GRIK2: variants seen among roughly 807,000 people sequenced by gnomAD.
The protein encoded by GRIK2 is glutamate ionotropic receptor kainate type subunit 2.
A neutral mutation model predicts 100.3 loss-of-function variants in GRIK2; 32 were observed. That is an observed-to-expected ratio of 0.32 (90% CI 0.24 to 0.43). The LOEUF (loss-of-function observed/expected upper bound fraction) is 0.43. GRIK2 is among the 20% of genes least tolerant of loss of function. The pLI, the probability that GRIK2 is intolerant of heterozygous loss-of-function variation, is 1.00. For synonymous variants in GRIK2, 417 were observed against 389.4 expected (o/e 1.07, Z -0.83); for missense variants, 843 against 1,114.9 (o/e 0.76, Z 3.47).
intron 12 of GRIK2, among the ~76,000 whole-genome samples, chr6:101,894,505 A>T (rs765317723): frequency 2.6e-5 from 4 of 151,650 alleles, no homozygotes; most frequent in Non-Finnish European, 5.9e-5. Context: ...GAGAATTAGG[A>T]AGAAATCTTG....
intron 7 of GRIK2, among the ~76,000 whole-genome samples, chr6:101,796,805 C>A (rs1780335524): frequency 6.6e-6 from 1 of 152,094 alleles, no homozygotes; most frequent in Non-Finnish European, 1.5e-5. Context: ...CTTACCCTTC[C>A]AAGTAGCTGG....
chr6:101,432,760 G>A (rs919539442), intron 2 of GRIK2, among the ~76,000 whole-genome samples: 2 of 152,126 alleles, frequency 1.3e-5, no homozygotes, highest in African/African-American at 4.8e-5. Context: ...TAGGATTAAA[G>A]AGCACAATAG....
At chr6:101,431,077 C>A (rs1353744154) in intron 2 of GRIK2, 4 of 256,956 alleles carry the variant, frequency 1.6e-5, no homozygotes, top group Non-Finnish European at 3.3e-5. Flanking sequence ...CAGGGGGTAT[C>A]CAAGGTCTCA....
intron 11 of GRIK2, among the ~76,000 whole-genome samples, chr6:101,877,187 T>A (rs1260675217): frequency 6.6e-6 from 1 of 151,906 alleles, no homozygotes; most frequent in African/African-American, 2.4e-5. Flanking sequence ...ATACTTCACA[T>A]ATATATGTAG....
intron 2 of GRIK2, among the ~76,000 whole-genome samples, chr6:101,515,780 C>T (rs952230870): frequency 1.3e-5 from 2 of 151,784 alleles, no homozygotes; most frequent in Non-Finnish European, 2.9e-5. Flanking sequence ...TTTATCTTAC[C>T]GATTTGTTTG....
chr6:101,890,132 A>G (rs1013487310), intron 12 of GRIK2: 2 of 278,684 alleles, frequency 7.2e-6, no homozygotes, highest in African/African-American at 4.4e-5. Context: ...TTTTAAATCA[A>G]TATGATAAAT....
intron 2 of GRIK2, among the ~76,000 whole-genome samples, chr6:101,448,380 TGG>T (rs1001474589): frequency 2.6e-5 from 4 of 151,618 alleles, no homozygotes; most frequent in Non-Finnish European, 4.4e-5. Flanking sequence ...AAGTTATTTA[TGG>T]GGGAAAAATC....
intron 9 of GRIK2, among the ~76,000 whole-genome samples, chr6:101,806,235 A>G (rs1780997577): frequency 1.3e-5 from 2 of 152,196 alleles, no homozygotes; most frequent in South Asian, 4.1e-4. Context: ...TTGAGCACTC[A>G]GGAACAGGAA....
intron 2 of GRIK2, among the ~76,000 whole-genome samples, chr6:101,497,654 A>G (rs1773519811): frequency 6.6e-6 from 1 of 152,240 alleles, no homozygotes; most frequent in South Asian, 2.1e-4. Flanking sequence ...AAAGTTTCAT[A>G]CTTAGTACTA....
In GRIK2 at chr6:101,531,270, T is replaced by C. The variant is rs970963187; in HGVS notation, c.116-90679T>C. Among the ~76,000 whole-genome samples, 2 of 151,978 alleles carry C rather than the reference T, an allele frequency of 1.3e-5. 1 individual carries two copies. Among genetic ancestry groups the C allele is most frequent in the East Asian group, 3.9e-4 (2 of 5,162 alleles). ...ATTATACATACTTCTAATATAGAAT[T>C]TACAAAATTTTATTTGCTTTTATTG... On this transcript the variant is annotated intron_variant, in intron 2 of 16. Coordinates refer to ENST00000369134, the MANE Select transcript of GRIK2 (RefSeq NM_021956.5).
intron 2 of GRIK2, among the ~76,000 whole-genome samples, chr6:101,419,368 T>A (rs766882777): frequency 3.9e-5 from 6 of 152,112 alleles, no homozygotes; most frequent in African/African-American, 1.4e-4. Flanking sequence ...GCAAAGAGGC[T>A]AGGGAGGGGT....
At chr6:101,974,341 G>A (rs995834480) in intron 14 of GRIK2, among the ~76,000 whole-genome samples, 15 of 151,908 alleles carry the variant, frequency 9.9e-5, no homozygotes, top group Non-Finnish European at 1.0e-4. Flanking sequence ...TATACGTCCT[G>A]CCCTCCTTGA....
intron 2 of GRIK2, among the ~76,000 whole-genome samples, chr6:101,419,523 AAT>A (rs1776315622): frequency 6.6e-6 from 1 of 152,180 alleles, no homozygotes; most frequent in Admixed American, 6.5e-5. Context: ...GGGACGGAGC[AAT>A]AGTGTGGCTG....
At chr6:101,514,322 G>C (rs1774470376) in intron 2 of GRIK2, among the ~76,000 whole-genome samples, 1 of 152,040 alleles carries the variant, frequency 6.6e-6, no homozygotes, top group African/African-American at 2.4e-5. Context: ...TGCCAGTTTA[G>C]ATAAAACGAC....
chr6:101,963,557 T>G (rs2128483363), intron 14 of GRIK2, among the ~76,000 whole-genome samples: 1 of 146,062 alleles, frequency 6.8e-6, no homozygotes, highest in African/African-American at 2.5e-5. Flanking sequence ...TTTCACTGTG[T>G]TAGCTAGGAT....
At chr6:101,864,161 A>C (rs1389012856) in intron 11 of GRIK2, among the ~76,000 whole-genome samples, 3 of 150,118 alleles carry the variant, frequency 2.0e-5, no homozygotes, top group Admixed American at 2.0e-4. Context: ...AAAAAAAAAA[A>C]GAAGATGTGG....
rs604425 is a variant in GRIK2, at chr6:101,594,956, A to C, written c.116-26993A>C. On this transcript the variant is annotated intron_variant, in intron 2 of 16. Transcript: ENST00000369134. Reference sequence around the variant, plus strand: ...ATTTTAGACAAATAAGCATGTGGGCAAGATAGCAAAGTCTGGAAGATCTTA... The same window carrying C: ...ATTTTAGACAAATAAGCATGTGGGCCAGATAGCAAAGTCTGGAAGATCTTA... Among the ~76,000 whole-genome samples, 291 of 151,842 alleles carry C rather than the reference A, an allele frequency of 1.9e-3. 2 individuals carry two copies. The highest frequency in any genetic ancestry group is 6.9e-3 in the African/African-American group (288 of 41,496).
At chr6:102,021,820 C>T (rs1316703173) in intron 14 of GRIK2, among the ~76,000 whole-genome samples, 1 of 151,230 alleles carries the variant, frequency 6.6e-6, no homozygotes, top group East Asian at 1.9e-4. Context: ...GTCCTTGAAA[C>T]TTCACCCAGT....
rs941672923 is a variant in GRIK2, at chr6:101,686,425, T to A, written c.951+72T>A. On this transcript the variant is annotated intron_variant, in intron 7 of 16. Coordinates refer to ENST00000369134, the MANE Select transcript of GRIK2 (RefSeq NM_021956.5). ...TTGCATACATATGAACTTCTGGGTTTATATGCATACATATAAACTTCAGTT... is the reference window on the plus strand; with the variant it reads ...TTGCATACATATGAACTTCTGGGTTAATATGCATACATATAAACTTCAGTT... The A allele has an allele frequency of 7.4e-6, 8 of 1,084,078 alleles. No individual in the cohort carries two copies. In the African/African-American group the frequency reaches 1.1e-4, roughly 15 times the overall value. The allele number at this position is 1,084,078 out of a possible 1,614,324, so 67.2% of individuals were successfully genotyped here.
Sources: allele counts gnomAD v4.1 joint callset (sites outside exome capture counted in the v4.1 genomes callset), GRCh38; gene constraint gnomAD v4.1.1; transcripts MANE v1.5; gene names NCBI Gene and HGNC (gene_info 2026-07-23, HGNC 2026-07-21).